Variants in SNRK observed in about 807,000 individuals in gnomAD.
The protein encoded by SNRK is SNF-related serine/threonine-protein kinase.
In SNRK, 3 loss-of-function variants were observed where a neutral mutation model predicts 48.2. That is an observed-to-expected ratio of 0.06 (90% confidence interval 0.03 to 0.16). The LOEUF (loss-of-function observed/expected upper bound fraction) is 0.16. SNRK is among the 10% of genes least tolerant of loss of function. SNRK has a pLI of 1.00. For missense variants in SNRK, 627 were observed against 976.0 expected (o/e 0.64, Z 4.76); for synonymous variants, 376 against 366.1 (o/e 1.03, Z -0.31).
intron 3 of SNRK, among the ~76,000 whole-genome samples, chr3:43,318,170 G>A (rs905913418): frequency 5.3e-5 from 8 of 152,088 alleles, no homozygotes; most frequent in African/African-American, 1.2e-4. Context: ...ATTTGTCCTC[G>A]GGAATTTCTG....
chr3:43,293,702 G>A (rs2090830671), intron 1 of SNRK, among the ~76,000 whole-genome samples: 1 of 152,006 alleles, frequency 6.6e-6, no homozygotes, highest in Non-Finnish European at 1.5e-5. Flanking sequence ...ATCACTTGAG[G>A]TCAGGAGGTC....
chr3:43,324,693 G>A (rs1320748307), intron 3 of SNRK, among the ~76,000 whole-genome samples: 6 of 152,098 alleles, frequency 3.9e-5, no homozygotes, highest in Admixed American at 2.0e-4. Flanking sequence ...CAACCAGGTT[G>A]TGTATTTATT....
Position 43,350,874 on chromosome 3 carries a change from A to ATAATT in SNRK, c.*2318_*2322dup, listed in dbSNP as rs2091318097. ...TTTTTCTGTATGTGTGTATATATAT[A>ATAATT]TAATTATGTACTTCTGGCAATTCTA... On this transcript the variant is annotated 3_prime_UTR_variant, in exon 7 of 7. Coordinates refer to ENST00000296088, the MANE Select transcript of SNRK (RefSeq NM_017719.5). 2 of 152,598 alleles carry ATAATT rather than the reference A, an allele frequency of 1.3e-5. No individual in the cohort carries two copies. The highest frequency in any genetic ancestry group is 4.8e-5 in the African/African-American group (2 of 41,438). 9.5% of individuals were successfully genotyped at this position (152,598 alleles called of 1,614,324 possible).
intron 4 of SNRK, among the ~76,000 whole-genome samples, chr3:43,339,822 T>A (rs113564420): frequency 3.1e-4 from 1 of 3,198 alleles, no homozygotes; most frequent in African/African-American, 1.9e-3. Flanking sequence ...TTCCAAAATA[T>A]ATATATATAT....
intron 1 of SNRK, among the ~76,000 whole-genome samples, chr3:43,297,315 C>T (rs55957435): frequency 0.025 from 3,810 of 152,190 alleles, 162 homozygotes; most frequent in African/African-American, 0.085. Context: ...TTACTTTCTT[C>T]TTTGTGCTTT....
intron 3 of SNRK, among the ~76,000 whole-genome samples, chr3:43,310,702 G>GT (rs2090972890): frequency 6.6e-6 from 1 of 152,086 alleles, no homozygotes; most frequent in South Asian, 2.1e-4. Flanking sequence ...TTGAAGATAC[G>GT]TTTTTCACAG....
In SNRK at chr3:43,349,109, C is replaced by G. The variant is rs1291004597; in HGVS notation, c.*552C>G. The stretch of plus-strand genomic sequence containing the variant: ...GAGTGTCTGCACTGAGAACCTTAAA[C>G]CACAGTTGAACATACCCACACCTGT... On this transcript the variant is annotated 3_prime_UTR_variant, in exon 7 of 7. Transcript: ENST00000296088. The G allele has an allele frequency of 6.5e-6, 1 of 152,680 alleles. No individual in the cohort carries two copies. The highest frequency in any genetic ancestry group is 1.5e-5 in the Non-Finnish European group (1 of 68,070). 9.5% of individuals were successfully genotyped at this position (152,680 alleles called of 1,614,324 possible). A position where few individuals can be genotyped will look rare whatever the true frequency, so the allele number is the denominator to read the frequency against.
chr3:43,296,489 T>C (rs990298104), intron 1 of SNRK, among the ~76,000 whole-genome samples: 1 of 148,362 alleles, frequency 6.7e-6, no homozygotes, highest in Non-Finnish European at 1.5e-5. Context: ...GGTCGTCTGA[T>C]TTTGGAGGAA....
intron 3 of SNRK, among the ~76,000 whole-genome samples, chr3:43,328,807 ACT>A (rs2091122944): frequency 6.6e-6 from 1 of 151,950 alleles, no homozygotes; most frequent in Non-Finnish European, 1.5e-5. Context: ...CATCTGTTTC[ACT>A]AATTTCCACT....
intron 3 of SNRK, among the ~76,000 whole-genome samples, chr3:43,330,747 T>G (rs972912755): frequency 6.6e-6 from 1 of 152,142 alleles, no homozygotes; most frequent in African/African-American, 2.4e-5. Context: ...GGGCAGATAA[T>G]GCATGCATTC....
intron 4 of SNRK, chr3:43,332,571 A>G (rs140148373): frequency 2.4e-4 from 60 of 254,572 alleles, no homozygotes; most frequent in Admixed American, 1.2e-3. Context: ...CAAGAAATCT[A>G]TTACATGCCT....
At chr3:43,310,432 T>C (rs1193546937) in intron 3 of SNRK, among the ~76,000 whole-genome samples, 2 of 152,202 alleles carry the variant, frequency 1.3e-5, no homozygotes, top group African/African-American at 4.8e-5. Flanking sequence ...CGTTTGTTTT[T>C]ACTTCTTTTT....
At chr3:43,322,051 G>C (rs926165934) in intron 3 of SNRK, among the ~76,000 whole-genome samples, 6 of 152,270 alleles carry the variant, frequency 3.9e-5, no homozygotes, top group Non-Finnish European at 8.8e-5. Flanking sequence ...ATACATATCA[G>C]TGTCTGCTTT....
At chr3:43,311,341 G>A (rs2090977550) in intron 3 of SNRK, among the ~76,000 whole-genome samples, 2 of 152,148 alleles carry the variant, frequency 1.3e-5, no homozygotes, top group Non-Finnish European at 2.9e-5. Context: ...CACCACAGAA[G>A]CTCCCCCAGC....
At chr3:43,311,908 C>T (rs2090981524) in intron 3 of SNRK, among the ~76,000 whole-genome samples, 1 of 152,040 alleles carries the variant, frequency 6.6e-6, no homozygotes, top group Non-Finnish European at 1.5e-5. Flanking sequence ...ATTTTAGAAA[C>T]TCTAAAATGG....
At chr3:43,324,375 GGC>G (rs1461676816) in intron 3 of SNRK, among the ~76,000 whole-genome samples, 3 of 152,188 alleles carry the variant, frequency 2.0e-5, no homozygotes, top group Non-Finnish European at 4.4e-5. Context: ...CAGGCCTGGT[GGC>G]ACATGCCTGT....
intron 2 of SNRK, among the ~76,000 whole-genome samples, chr3:43,302,809 C>G (rs1260555018): frequency 6.6e-6 from 1 of 151,980 alleles, no homozygotes; most frequent in Non-Finnish European, 1.5e-5. Flanking sequence ...TTTAAACATG[C>G]TTATCAAACT....
chr3:43,310,485 A>G (rs990335503), intron 3 of SNRK, among the ~76,000 whole-genome samples: 2 of 152,020 alleles, frequency 1.3e-5, no homozygotes, highest in African/African-American at 4.8e-5. Flanking sequence ...TCTGTAATAA[A>G]TACTTACTTT....
chr3:43,315,630 C>T (rs1399962979), intron 3 of SNRK, among the ~76,000 whole-genome samples: 3 of 152,122 alleles, frequency 2.0e-5, no homozygotes, highest in Non-Finnish European at 2.9e-5. Context: ...ATGATTTGTG[C>T]CTCTTCTATG....
Sources: gnomAD v4.1 joint callset for allele counts (sites outside exome capture counted in the v4.1 genomes callset) on GRCh38, gnomAD v4.1.1 for gene constraint, MANE v1.5 for transcripts, NCBI Gene and HGNC (gene_info 2026-07-23, HGNC 2026-07-21) for gene names.